Variants in TMCC1 observed in about 807,000 individuals in gnomAD.
TMCC1 encodes transmembrane and coiled-coil domains protein 1.
TMCC1 carries 15 observed loss-of-function variants against 52.4 expected under a neutral mutation model. The observed-to-expected ratio is 0.29, with a 90% CI of 0.19 to 0.44. The LOEUF is 0.44. Ranked by LOEUF, TMCC1 falls within the 20% of genes least tolerant of loss-of-function variation. The pLI is 1.00. For synonymous variants in TMCC1, 279 were observed against 301.9 expected, an observed-to-expected ratio of 0.92 and a Z score of 0.79; for missense variants, 503 against 806.0, an observed-to-expected ratio of 0.62 and a Z score of 4.55.
At chr3:129,789,775 C>T (rs1245131700) in intron 4 of TMCC1, among the ~76,000 whole-genome samples, 3 of 152,266 alleles carry the variant, frequency 2.0e-5, no homozygotes, top group East Asian at 1.9e-4. Context: ...CCACCGTGCC[C>T]GGCTCTCCAC....
chr3:129,702,417 C>G (rs1343907891), intron 4 of TMCC1, among the ~76,000 whole-genome samples: 1 of 152,020 alleles, frequency 6.6e-6, no homozygotes, highest in African/African-American at 2.4e-5. Flanking sequence ...TGAGAAATTT[C>G]AAAAGTGTAA....
At chr3:129,891,020 T>C (rs1416865683) in intron 1 of TMCC1, among the ~76,000 whole-genome samples, 1 of 152,252 alleles carries the variant, frequency 6.6e-6, no homozygotes, top group African/African-American at 2.4e-5. Context: ...AATGTAAGAA[T>C]GACATGTTAT....
rs1024656832 is a variant in TMCC1, at chr3:129,714,435, C to A, written c.577-43171G>T. Among the ~76,000 whole-genome samples the A allele has an allele frequency of 2.6e-5, 4 of 152,200 alleles. No homozygotes were observed. In the South Asian group the frequency reaches 6.2e-4, roughly 24 times the overall value. ...GATAATTAAAATGAGATCATATTTT[C>A]ACTTATCATTTGTATTTTTTTGATT... is the stretch of plus-strand genomic sequence containing the variant. On this transcript the variant is annotated intron_variant, in intron 4 of 6. Transcript: ENST00000393238.
At chr3:129,773,452 T>C (rs977753149) in intron 4 of TMCC1, among the ~76,000 whole-genome samples, 2 of 152,184 alleles carry the variant, frequency 1.3e-5, no homozygotes, top group African/African-American at 4.8e-5. Flanking sequence ...AGGAAAGAGC[T>C]AGACTTCTCT....
intron 4 of TMCC1, among the ~76,000 whole-genome samples, chr3:129,824,521 G>A (rs2058571192): frequency 6.6e-6 from 1 of 152,084 alleles, no homozygotes; most frequent in South Asian, 2.1e-4. Context: ...AATATCTTTG[G>A]GGCCAATGAA....
chr3:129,728,405 T>C (rs2050277198), intron 4 of TMCC1, among the ~76,000 whole-genome samples: 1 of 152,074 alleles, frequency 6.6e-6, no homozygotes, highest in Non-Finnish European at 1.5e-5. Flanking sequence ...TGTGCCTCAG[T>C]CTCCCAAGTA....
intron 4 of TMCC1, among the ~76,000 whole-genome samples, chr3:129,763,268 G>A (rs960886875): frequency 5.4e-5 from 8 of 146,854 alleles, no homozygotes; most frequent in Non-Finnish European, 9.0e-5. Context: ...ATATAGCCAG[G>A]TGTGGAGCTC....
intron 4 of TMCC1, among the ~76,000 whole-genome samples, chr3:129,706,034 G>C (rs1281183935): frequency 6.6e-6 from 1 of 150,380 alleles, no homozygotes; most frequent in African/African-American, 2.5e-5. Context: ...GGGATTACAA[G>C]CGTGCGCCAC....
intron 4 of TMCC1, among the ~76,000 whole-genome samples, chr3:129,700,343 T>C (rs1188608694): frequency 6.6e-6 from 1 of 152,214 alleles, no homozygotes; most frequent in Admixed American, 6.5e-5. Flanking sequence ...TGTCAAAATA[T>C]TTTTTCCTCA....
chr3:129,790,601 A>C (rs1043018801), intron 4 of TMCC1, among the ~76,000 whole-genome samples: 1 of 152,202 alleles, frequency 6.6e-6, no homozygotes, highest in African/African-American at 2.4e-5. Flanking sequence ...TCTGCTACCC[A>C]TAAAAGATTT....
intron 4 of TMCC1, among the ~76,000 whole-genome samples, chr3:129,812,009 T>A (rs1043248283): frequency 6.6e-6 from 1 of 150,472 alleles, no homozygotes; most frequent in Non-Finnish European, 1.5e-5. Flanking sequence ...TCAATACTCT[T>A]AGATTCATTA....
chr3:129,678,521 C>T (rs1450122360), intron 4 of TMCC1, among the ~76,000 whole-genome samples: 3 of 151,532 alleles, frequency 2.0e-5, no homozygotes, highest in East Asian at 1.9e-4. Flanking sequence ...CCACCATGCC[C>T]GGCTAATTTT....
At chr3:129,744,486 A>G (rs946961220) in intron 4 of TMCC1, among the ~76,000 whole-genome samples, 1 of 151,976 alleles carries the variant, frequency 6.6e-6, no homozygotes, top group African/African-American at 2.4e-5. Flanking sequence ...AGGTCTTGCT[A>G]TGTTGCCCAG....
At chr3:129,716,113 A>G (rs2049061550) in intron 4 of TMCC1, among the ~76,000 whole-genome samples, 1 of 151,954 alleles carries the variant, frequency 6.6e-6, no homozygotes, top group South Asian at 2.1e-4. Flanking sequence ...GACACTGGCA[A>G]TGAAACTCTC....
intron 4 of TMCC1, among the ~76,000 whole-genome samples, chr3:129,779,718 A>G (rs995805943): frequency 6.6e-5 from 10 of 152,146 alleles, no homozygotes; most frequent in African/African-American, 2.2e-4. Context: ...CAACATCTAC[A>G]TCCTAAATGA....
intron 4 of TMCC1, among the ~76,000 whole-genome samples, chr3:129,805,857 A>C (rs932915572): frequency 1.3e-5 from 2 of 152,066 alleles, no homozygotes; most frequent in Non-Finnish European, 2.9e-5. Flanking sequence ...GCTTGAGCCC[A>C]GGAGTTTAAG....
intron 4 of TMCC1, among the ~76,000 whole-genome samples, chr3:129,687,014 G>A (rs964508156): frequency 6.6e-6 from 1 of 152,166 alleles, no homozygotes; most frequent in African/African-American, 2.4e-5. Flanking sequence ...TGGTTGAAAG[G>A]TTTTGATCAT....
chr3:129,720,911 T>C (rs2049530442), intron 4 of TMCC1, among the ~76,000 whole-genome samples: 1 of 152,116 alleles, frequency 6.6e-6, no homozygotes, highest in Admixed American at 6.5e-5. Flanking sequence ...CACGCTGGTC[T>C]TGAACTCCTG....
At chr3:129,883,189 G>C (rs1012625828) in intron 1 of TMCC1, among the ~76,000 whole-genome samples, 6 of 152,018 alleles carry the variant, frequency 3.9e-5, no homozygotes, top group Non-Finnish European at 7.4e-5. Flanking sequence ...GCACATGCCT[G>C]TAATCCCAGC....
Sources: gnomAD v4.1 joint callset for allele counts (sites outside exome capture counted in the v4.1 genomes callset) on GRCh38, gnomAD v4.1.1 for gene constraint, MANE v1.5 for transcripts, NCBI Gene and HGNC (gene_info 2026-07-23, HGNC 2026-07-21) for gene names.